Variants in SLC25A45 observed in about 807,000 individuals in gnomAD.
The protein encoded by SLC25A45 is methylated amino-acid transporter SLC25A45.
Under a neutral mutation model 23.0 loss-of-function variants are expected in SLC25A45, and 22 were observed. The ratio of observed to expected loss-of-function variants is 0.95; its 90% confidence interval spans 0.68 to 1.36. SLC25A45 has a LOEUF of 1.36. Among genes scored for constraint, SLC25A45 ranks in the 40% most tolerant of loss-of-function variants. The pLI is 0.00. For synonymous variants in SLC25A45, 136 were observed against 155.0 expected (o/e 0.88, Z 0.91); for missense variants, 355 against 383.5 (o/e 0.93, Z 0.62).
chr11:65,379,400 CGCTA>C lies in SLC25A45; in HGVS notation c.311_314del (p.Leu104ArgfsTer66). On this transcript the variant is annotated frameshift_variant, in exon 5 of 7. Coordinates refer to ENST00000398802, the MANE Select transcript of SLC25A45 (RefSeq NM_182556.4). LOFTEE classifies it high-confidence loss of function. ...CCTGCAGGAACCCCCCGGTGCAGCC[CGCTA>C]GGAAGATGTGCATGTAGCTGGGCGG... is the stretch of plus-strand genomic sequence containing the variant. The C allele has an allele frequency of 6.2e-7, 1 of 1,611,652 alleles. No individual in the cohort carries two copies.
intron 2 of SLC25A45, chr11:65,380,597 C>G: frequency 1.5e-6 from 2 of 1,294,966 alleles, no homozygotes; most frequent in Middle Eastern, 2.1e-4. Context: ...CCAGAGCAGG[C>G]CCTGCTGCCA....
intron 3 of SLC25A45, 57 bp downstream of exon 3, chr11:65,380,075 C>T (rs1193061847): frequency 1.3e-6 from 2 of 1,594,542 alleles, no homozygotes; most frequent in Non-Finnish European, 1.7e-6. Context: ...CTCAGGGCAC[C>T]CTGACATTTG....
At chr11:65,377,133 C>T in intron 5 of SLC25A45, 57 bp from the exon 6 acceptor site, 4 of 1,557,716 alleles carry the variant, frequency 2.6e-6, no homozygotes, top group Non-Finnish European at 3.5e-6. Flanking sequence ...GAACTGGCCC[C>T]TTATATTCAC....
chr11:65,376,425 G>A lies in SLC25A45; in HGVS notation c.849C>T (p.Leu283=), dbSNP rs769907833. The change falls in exon 7 of 7, where the codon CTC becomes CTT. Residue 283 remains leucine (L), a synonymous_variant. Coordinates refer to ENST00000398802, the MANE Select transcript of SLC25A45 (RefSeq NM_182556.4). ...GCAGGGCTCATCCCCACCAGCGGAG[G>A]AGATATTCGTAGCTGAGGAAGGTGA... ...NAVTFLSYEY[L]LRWWG is the part of the protein sequence containing the mutation. The A allele has an allele frequency of 1.9e-6, 3 of 1,613,870 alleles. No homozygotes were observed. Among genetic ancestry groups the A allele is most frequent in the Non-Finnish European group, 2.5e-6 (3 of 1,179,742 alleles).
At chr11:65,381,846 T>C (rs763152339) in intron 2 of SLC25A45, 69 bp downstream of exon 2, 3 of 1,599,406 alleles carry the variant, frequency 1.9e-6, no homozygotes, top group Non-Finnish European at 2.6e-6. Context: ...TCCTCCCATG[T>C]CACCCATCTT....
At chr11:65,376,702 G>A (rs1467445558) in intron 6 of SLC25A45, 27 bp from the exon 7 acceptor site, 1 of 1,613,308 alleles carries the variant, frequency 6.2e-7, no homozygotes. Context: ...CCAGAGCAGG[G>A]GTCAGACCCA....
rs754751122 is a variant in SLC25A45, at chr11:65,376,910, G to A, written c.506C>T (p.Ala169Val). 6 of 1,613,402 alleles carry A rather than the reference G, an allele frequency of 3.7e-6. No individual in the cohort carries two copies. In the South Asian group the frequency reaches 5.5e-5, roughly 15 times the overall value. The change falls in exon 6 of 7, where the codon GCC becomes GTC. Residue 169 changes from alanine (A) to valine (V), a missense_variant. Ala to Val is a moderately conservative substitution (Grantham distance 64, BLOSUM62 0). Coordinates refer to ENST00000398802, the MANE Select transcript of SLC25A45 (RefSeq NM_182556.4). ...GPRGLFRGAW[A>V]LTLRDTPTVG... ...CGTGGGGGTGTCCCTCAGCGTCAGG[G>A]CCCAGGCTCCTCGGAACAGCCCCCG...
In SLC25A45 at chr11:65,382,083, GT is replaced by G; in HGVS notation, c.-18-115del. The G allele has an allele frequency of 1.2e-6, 1 of 827,134 alleles. No homozygotes were observed. The highest frequency in any genetic ancestry group is 2.0e-6 in the Non-Finnish European group (1 of 490,528). 51.2% of individuals were successfully genotyped at this position (827,134 alleles called of 1,614,324 possible). A position where few individuals can be genotyped will look rare whatever the true frequency, so the allele number is the denominator to read the frequency against. On this transcript the variant is annotated intron_variant, in intron 1 of 6. Transcript: ENST00000398802. The surrounding 1 kb of genome is among the most constrained non-coding windows in gnomAD (Gnocchi z 4.4). Reference sequence around the variant, plus strand: ...TGGCGGGAAGGTGAGAATTGGCCTGGTGCCCAGACCTCCGGCAACTGGCAGA... The same window carrying G: ...TGGCGGGAAGGTGAGAATTGGCCTGGGCCCAGACCTCCGGCAACTGGCAGA...
chr11:65,377,451 G>T (rs1855277069), intron 5 of SLC25A45: 5 of 1,034,996 alleles, frequency 4.8e-6, no homozygotes, highest in Non-Finnish European at 4.7e-6. Flanking sequence ...CCAAGTGAAG[G>T]ATTCAGCCTG....
chr11:65,382,008 C>G lies in SLC25A45; in HGVS notation c.-18-39G>C. 6.9e-7 allele frequency: 1 copy of G among 1,440,666 alleles called. No individual in the cohort carries two copies. The highest frequency in any genetic ancestry group is 9.8e-7 in the Non-Finnish European group (1 of 1,021,946). The allele number at this position is 1,440,666 out of a possible 1,614,324, so 89.2% of individuals were successfully genotyped here. The stretch of plus-strand genomic sequence containing the variant: ...CAGAGGAGACAGAGTTGAATTCCCC[C>G]CTCTCCCTCCCCTGGCCCACGCTGA... On this transcript the variant is annotated intron_variant, in intron 1 of 6. Coordinates refer to ENST00000398802, the MANE Select transcript of SLC25A45 (RefSeq NM_182556.4). This position sits in a 1 kb window ranked among gnomAD's most constrained non-coding sequence, Gnocchi z 4.4.
At chr11:65,377,161 C>A in intron 5 of SLC25A45, 85 bp from the exon 6 acceptor site, 1 of 1,501,218 alleles carries the variant, frequency 6.7e-7, no homozygotes, top group African/African-American at 1.4e-5. Flanking sequence ...AGGAGGCAGG[C>A]AGGGGGCCAC....
intron 5 of SLC25A45, chr11:65,378,476 C>CT (rs1417293693): frequency 2.0e-5 from 3 of 152,204 alleles, no homozygotes; most frequent in African/African-American, 7.2e-5. Flanking sequence ...GGCCACTTAG[C>CT]TTAGGGCTTC....
In SLC25A45 at chr11:65,382,171, A is replaced by G; in HGVS notation, c.-18-202T>C. ...GAGGAGTCGTGCAGAGTACAGTCTCACGGGCCAGGCGTGCCGGGACCACAG... is the reference window on the plus strand; with the variant it reads ...GAGGAGTCGTGCAGAGTACAGTCTCGCGGGCCAGGCGTGCCGGGACCACAG... On this transcript the variant is annotated intron_variant, in intron 1 of 6. Transcript: ENST00000398802. The surrounding 1 kb of genome is among the most constrained non-coding windows in gnomAD (Gnocchi z 4.4). 1 of 589,194 alleles carries G rather than the reference A, an allele frequency of 1.7e-6. No individual in the cohort carries two copies. The highest frequency in any genetic ancestry group is 3.1e-6 in the Non-Finnish European group (1 of 326,894). 36.5% of individuals were successfully genotyped at this position (589,194 alleles called of 1,614,324 possible).
chr11:65,377,234 T>C, intron 5 of SLC25A45, 158 bp from the exon 6 acceptor site: 1 of 1,433,940 alleles, frequency 7.0e-7, no homozygotes, highest in Non-Finnish European at 9.1e-7. Flanking sequence ...GTGGCTGGGA[T>C]GGCCAGGATG....
chr11:65,376,435 T>G lies in SLC25A45; in HGVS notation c.839A>C (p.Tyr280Ser). Residue 280 changes from tyrosine to serine, a missense_variant, in exon 7 of 7, where the codon TAC (tyrosine) becomes TCC (serine). Tyr to Ser is a moderately radical substitution (Grantham distance 144, BLOSUM62 -2). Coordinates refer to ENST00000398802, the MANE Select transcript of SLC25A45 (RefSeq NM_182556.4). ...TCCCCACCAGCGGAGGAGATATTCGTAGCTGAGGAAGGTGACAGCATTGAC... is the reference window on the plus strand; with the variant it reads ...TCCCCACCAGCGGAGGAGATATTCGGAGCTGAGGAAGGTGACAGCATTGAC... ...FPVNAVTFLSYEYLLRWWG is the reference protein window; with the variant it reads ...FPVNAVTFLSSEYLLRWWG The G allele has an allele frequency of 2.5e-6, 4 of 1,614,078 alleles. No homozygotes were observed. Among genetic ancestry groups the G allele is most frequent in the Non-Finnish European group, 3.4e-6 (4 of 1,179,924 alleles).
chr11:65,381,170 G>T (rs1376808948), intron 2 of SLC25A45: 3 of 153,100 alleles, frequency 2.0e-5, no homozygotes, highest in South Asian at 2.0e-4. Flanking sequence ...TGCTGGTGTT[G>T]TCCAGGCTGG....
intron 5 of SLC25A45, 54 bp from the exon 6 acceptor site, chr11:65,377,130 C>T: frequency 1.3e-6 from 2 of 1,568,374 alleles, no homozygotes; most frequent in Non-Finnish European, 1.7e-6. Flanking sequence ...TGGGAACTGG[C>T]CCCTTATATT....
At chr11:65,379,025 G>C (rs585210) in intron 5 of SLC25A45, 134,246 of 291,690 alleles carry the variant, frequency 0.46, 35,280 homozygotes, top group Non-Finnish European at 0.56. Flanking sequence ...CGGGGTGCTG[G>C]TGGTTCTCCA....
At chr11:65,377,270 C>T (rs1048774219) in intron 5 of SLC25A45, 194 bp from the exon 6 acceptor site, 100 of 1,417,074 alleles carry the variant, frequency 7.1e-5, no homozygotes, top group Non-Finnish European at 8.2e-5. Flanking sequence ...GACAGGCCAC[C>T]TCCCTTGGCA....
Sources: allele counts gnomAD v4.1 joint callset, GRCh38; gene constraint gnomAD v4.1.1; non-coding constraint Gnocchi (gnomAD v3.1); transcripts MANE v1.5; gene names NCBI Gene and HGNC (gene_info 2026-07-23, HGNC 2026-07-21).